The following OTUB1 variants were observed in gnomAD, a reference collection of about 807,000 sequenced individuals.
The protein encoded by OTUB1 is ubiquitin thioesterase OTUB1.
In OTUB1, 10 loss-of-function variants were observed where a neutral mutation model predicts 35.8. That is an observed-to-expected ratio of 0.28 (90% CI 0.17 to 0.47). The LOEUF (loss-of-function observed/expected upper bound fraction) is 0.47. Among genes scored for constraint, OTUB1 ranks in the 20% least tolerant of loss-of-function variants. The probability of loss-of-function intolerance (pLI) is 0.99; values close to 1 mark genes in which losing one functional copy is unlikely to be tolerated. For missense variants in OTUB1, 264 were observed against 351.6 expected, an observed-to-expected ratio of 0.75 and a Z score of 1.99; for synonymous variants, 158 against 143.8, an observed-to-expected ratio of 1.10 and a Z score of -0.71.
Position 63,997,279 on chromosome 11 carries a change from G to A in OTUB1, c.618+35G>A, listed in dbSNP as rs371196273. 120 of 1,611,284 alleles carry A rather than the reference G, an allele frequency of 7.4e-5. No homozygotes were observed. The African/African-American group carries it at 1.1e-3, about 15-fold the overall frequency. On this transcript the variant is annotated intron_variant, in intron 6 of 6. Transcript: ENST00000538426. The stretch of plus-strand genomic sequence containing the variant: ...CCCTCCCCTTTACTCTCGGCCGGGG[G>A]AGTGCAGTGGGCCCACAGGGCCTGG...
intron 3 of OTUB1, among the ~76,000 whole-genome samples, chr11:63,994,360 C>G (rs1436771643): frequency 6.6e-6 from 1 of 152,204 alleles, no homozygotes; most frequent in Non-Finnish European, 1.5e-5. Context: ...TCAAGTGATT[C>G]TCTTGCCTCA....
At chr11:63,986,701 C>G in intron 1 of OTUB1, 187 bp downstream of exon 1, 2 of 559,846 alleles carry the variant, frequency 3.6e-6, no homozygotes, top group Non-Finnish European at 6.2e-6. Flanking sequence ...GACCCCCGGC[C>G]GGGAGGGAGC....
chr11:63,990,272 C>T (rs1373799112), intron 3 of OTUB1: 3 of 152,020 alleles, frequency 2.0e-5, no homozygotes, highest in African/African-American at 7.3e-5. Flanking sequence ...GCAAACTTCA[C>T]CACCCACTTT....
intron 3 of OTUB1, among the ~76,000 whole-genome samples, chr11:63,996,217 G>T (rs1220316969): frequency 1.3e-5 from 2 of 152,190 alleles, no homozygotes; most frequent in African/African-American, 2.4e-5. Context: ...TGAAAGACTG[G>T]AGGAAACGCA....
chr11:63,987,269 A>G (rs1442611978), intron 1 of OTUB1, among the ~76,000 whole-genome samples: 2 of 152,196 alleles, frequency 1.3e-5, no homozygotes, highest in African/African-American at 4.8e-5. Context: ...GCGAGCCCCA[A>G]AAGGGTTGAC....
At chr11:63,987,373 T>C (rs1261643070) in intron 1 of OTUB1, among the ~76,000 whole-genome samples, 1 of 152,150 alleles carries the variant, frequency 6.6e-6, no homozygotes, top group East Asian at 1.9e-4. Flanking sequence ...TTGTTCAAGA[T>C]GACATTAAGA....
chr11:63,997,640 C>A lies in OTUB1; in HGVS notation c.*94C>A. 9.4e-7 allele frequency: 1 copy of A among 1,065,616 alleles called. No individual in the cohort carries two copies. Among genetic ancestry groups the A allele is most frequent in the Non-Finnish European group, 1.4e-6 (1 of 696,992 alleles). 66.0% of individuals were successfully genotyped at this position (1,065,616 alleles called of 1,614,324 possible). The stretch of plus-strand genomic sequence containing the variant: ...TCTGTGGTTGTAAATGGTCCTATTT[C>A]ACCCCCTTCTTCCTGTCACATGACC... On this transcript the variant is annotated 3_prime_UTR_variant, in exon 7 of 7. Coordinates refer to ENST00000538426, the MANE Select transcript of OTUB1 (RefSeq NM_017670.3).
chr11:63,987,684 G>C (rs896530209), intron 1 of OTUB1, among the ~76,000 whole-genome samples: 1 of 152,202 alleles, frequency 6.6e-6, no homozygotes, highest in Admixed American at 6.5e-5. Context: ...CAGTTGTTTT[G>C]TTAATTGTAA....
Position 63,997,333 on chromosome 11 carries a change from G to A in OTUB1, c.619-16G>A, listed in dbSNP as rs375241520. 95 of 1,613,626 alleles carry A rather than the reference G, an allele frequency of 5.9e-5. No individual in the cohort carries two copies. The highest frequency in any genetic ancestry group is 7.2e-5 in the Non-Finnish European group (85 of 1,179,834). ...GGGGTGCGGAGACCAGGGCCTGACCGGCACCTGTGCCACAGGAGGTGGAGC... is the reference window on the plus strand; with the variant it reads ...GGGGTGCGGAGACCAGGGCCTGACCAGCACCTGTGCCACAGGAGGTGGAGC... On this transcript the variant is annotated splice_polypyrimidine_tract_variant and intron_variant, in intron 6 of 6. Coordinates refer to ENST00000538426, the MANE Select transcript of OTUB1 (RefSeq NM_017670.3).
intron 3 of OTUB1, among the ~76,000 whole-genome samples, chr11:63,992,073 C>T (rs368928407): frequency 6.6e-6 from 1 of 152,010 alleles, no homozygotes; most frequent in African/African-American, 2.4e-5. Context: ...CAAAATTAGC[C>T]GGGTGTGGTG....
intron 3 of OTUB1, among the ~76,000 whole-genome samples, chr11:63,994,207 C>T (rs1236210615): frequency 6.6e-6 from 1 of 152,162 alleles, no homozygotes; most frequent in South Asian, 2.1e-4. Context: ...AGCCCTCATG[C>T]CCGTGGTCAC....
At position 63,997,599 on chromosome 11, in the gene OTUB1, C is replaced by A; in HGVS notation, c.*53C>A. 1 of 1,505,468 alleles carries A rather than the reference C, an allele frequency of 6.6e-7. No individual in the cohort carries two copies. The highest frequency in any genetic ancestry group is 9.2e-7 in the Non-Finnish European group (1 of 1,083,934). 93.3% of individuals were successfully genotyped at this position (1,505,468 alleles called of 1,614,324 possible). A position where few individuals can be genotyped will look rare whatever the true frequency, so the allele number is the denominator to read the frequency against. On this transcript the variant is annotated 3_prime_UTR_variant, in exon 7 of 7. Transcript: ENST00000538426. ...CTGCCCCCCTCTGCCAGGCGCTAGACATGTACAGAGGTTTTTCTGTGGTTG... is the reference window on the plus strand; with the variant it reads ...CTGCCCCCCTCTGCCAGGCGCTAGAAATGTACAGAGGTTTTTCTGTGGTTG...
Position 63,997,576 on chromosome 11 carries a change from GC to G in OTUB1, c.*36del, listed in dbSNP as rs753983822. The stretch of plus-strand genomic sequence containing the variant: ...GGCTCCAGCCCGCTGCTGCCCTGCT[GC>G]CCCCCTCTGCCAGGCGCTAGACATG... On this transcript the variant is annotated 3_prime_UTR_variant, in exon 7 of 7. Transcript: ENST00000538426. The G allele has an allele frequency of 6.3e-7, 1 of 1,585,180 alleles. No individual in the cohort carries two copies. The highest frequency in any genetic ancestry group is 2.2e-5 in the East Asian group (1 of 44,704).
Position 63,997,794 on chromosome 11 carries a change from C to T in OTUB1, c.*248C>T, listed in dbSNP as rs891176840. 1.6e-5 allele frequency: 11 copies of T among 700,426 alleles called. No individual in the cohort carries two copies. The African/African-American group carries it at 1.6e-4, about 10-fold the overall frequency. The allele number at this position is 700,426 out of a possible 1,614,324, so 43.4% of individuals were successfully genotyped here. On this transcript the variant is annotated 3_prime_UTR_variant, in exon 7 of 7. Transcript: ENST00000538426. Reference sequence around the variant, plus strand: ...GTGGGTCCCCCTGCTTTTCACCTATCTACTCCTGAGCTTCCCCAACAGGAG... The same window carrying T: ...GTGGGTCCCCCTGCTTTTCACCTATTTACTCCTGAGCTTCCCCAACAGGAG...
At position 63,997,420 on chromosome 11, in the gene OTUB1, C is replaced by T. The variant is rs1190243448; in HGVS notation, c.690C>T (p.Ser230=). 6.2e-7 allele frequency: 1 copy of T among 1,614,154 alleles called. No homozygotes were observed. Among genetic ancestry groups the T allele is most frequent in the Admixed American group, 1.7e-5 (1 of 60,028 alleles). ...IIALAQALSV[S]IQVEYMDRGE... ...CGCTGGCCCAGGCCCTCAGCGTGTC[C>T]ATCCAGGTGGAGTACATGGACCGCG... Residue 230 remains serine (S), a synonymous_variant, in exon 7 of 7, where the codon TCC becomes TCT. Coordinates refer to ENST00000538426, the MANE Select transcript of OTUB1 (RefSeq NM_017670.3).
At chr11:63,987,006 G>A (rs9326430) in intron 1 of OTUB1, 8,730 of 156,448 alleles carry the variant, frequency 0.056, 852 homozygotes, top group African/African-American at 0.2. Context: ...AGGGGCCTGC[G>A]GGATCTGTCC....
chr11:63,988,550 G>A, intron 2 of OTUB1, 104 bp from the exon 3 acceptor site: 1 of 1,233,712 alleles, frequency 8.1e-7, no homozygotes, highest in East Asian at 2.3e-5. Flanking sequence ...GGGGGTCGCT[G>A]TGCCACCGGG....
chr11:63,988,579 T>C, intron 2 of OTUB1, 75 bp from the exon 3 acceptor site: 1 of 1,311,158 alleles, frequency 7.6e-7, no homozygotes, highest in Non-Finnish European at 1.1e-6. Flanking sequence ...CCAGCTCTTT[T>C]GTAGTTATTC....
intron 2 of OTUB1, 23 bp from the exon 3 acceptor site, chr11:63,988,631 T>C (rs151160538): frequency 6.4e-7 from 1 of 1,569,952 alleles, no homozygotes; most frequent in Non-Finnish European, 8.8e-7. Context: ...TGCTAGGACA[T>C]GACAGATCCC....
Sources: allele counts gnomAD v4.1 joint callset (sites outside exome capture counted in the v4.1 genomes callset), GRCh38; gene constraint gnomAD v4.1.1; transcripts MANE v1.5; gene names NCBI Gene and HGNC (gene_info 2026-07-23, HGNC 2026-07-21).